The following MYO7A variants were observed in gnomAD, a reference collection of about 807,000 sequenced individuals.
The protein encoded by MYO7A is unconventional myosin-VIIa.
In MYO7A, 210 loss-of-function variants were observed where a neutral mutation model predicts 263.8. The ratio of observed to expected loss-of-function variants is 0.80; its 90% CI spans 0.71 to 0.89. The LOEUF is 0.89. MYO7A is among the 40% of genes least tolerant of loss of function. The probability of loss-of-function intolerance (pLI) is 0.00; values close to 1 mark genes in which losing one functional copy is unlikely to be tolerated. For synonymous variants in MYO7A, 1,239 were observed against 1,197.3 expected (o/e 1.03, Z -0.72); for missense variants, 2,820 against 2,968.3 (o/e 0.95, Z 1.16).
chr11:77,147,517 C>T (rs1171506011), intron 3 of MYO7A, among the ~76,000 whole-genome samples: 1 of 152,162 alleles, frequency 6.6e-6, no homozygotes, highest in Non-Finnish European at 1.5e-5. Flanking sequence ...AACTCTGATC[C>T]CCTTACTGAC....
At position 77,156,060 on chromosome 11, in the gene MYO7A, C is replaced by T. The variant is rs782808261; in HGVS notation, c.439C>T (p.Arg147Cys). The T allele has an allele frequency of 8.1e-6, 13 of 1,613,922 alleles. No individual in the cohort carries two copies. Among genetic ancestry groups the T allele is most frequent in the East Asian group, 2.2e-5 (1 of 44,884 alleles). The change falls in exon 5 of 49, where the codon CGC becomes TGC. Residue 147 changes from arginine to cysteine, a missense_variant. By Grantham distance (180) the Arg-to-Cys change is radical. Transcript: ENST00000409709. Reference protein sequence around the residue: ...IADNCYFNMKRNSRDQCCIIS... With the variant: ...IADNCYFNMKCNSRDQCCIIS... The stretch of plus-strand genomic sequence containing the variant: ...TGACAACTGCTACTTCAACATGAAA[C>T]GCAACAGCCGAGACCAGTGCTGCAT...
At chr11:77,170,773 C>T (rs1555075447) in intron 15 of MYO7A, among the ~76,000 whole-genome samples, 1 of 152,094 alleles carries the variant, frequency 6.6e-6, no homozygotes, top group African/African-American at 2.4e-5. Context: ...GGGGTTGCTG[C>T]AGGAATTTGA....
Position 77,207,452 on chromosome 11 carries a change from G to A in MYO7A, c.5856+50G>A, listed in dbSNP as rs2276290. The A allele has an allele frequency of 0.56, 740,951 of 1,327,794 alleles. 208,644 individuals are homozygous for A. Among genetic ancestry groups the A allele is most frequent in the Admixed American group, 0.65 (33,575 of 51,540 alleles). The allele number at this position is 1,327,794 out of a possible 1,614,324, so 82.3% of individuals were successfully genotyped here. ...AGGTGGGAGATTTGCTGGGGCCATA[G>A]GAACTTACGGACAGCAGACGGAAGA... On this transcript the variant is annotated intron_variant, in intron 42 of 48. Coordinates refer to ENST00000409709, the MANE Select transcript of MYO7A (RefSeq NM_000260.4).
At chr11:77,175,229 A>G (rs143609475) in intron 17 of MYO7A, 143 bp from the exon 18 acceptor site, 5 of 751,536 alleles carry the variant, frequency 6.7e-6, no homozygotes, top group Non-Finnish European at 1.1e-5. Flanking sequence ...TGGGGCTCAG[A>G]GAAGGCAGGA....
chr11:77,171,262 T>TGC (rs1319872160), intron 15 of MYO7A, among the ~76,000 whole-genome samples: 19 of 152,016 alleles, frequency 1.2e-4, no homozygotes, highest in African/African-American at 3.9e-4. Context: ...TGTGTGTGTG[T>TGC]GCATGCGTAT....
Position 77,192,160 on chromosome 11 carries a change from T to C in MYO7A, c.4034T>C (p.Phe1345Ser). 6.2e-7 allele frequency: 1 copy of C among 1,614,010 alleles called. No homozygotes were observed. Residue 1345 changes from phenylalanine (F) to serine (S), a missense_variant, in exon 31 of 49, where the codon TTC (phenylalanine) becomes TCC (serine). Physicochemically the swap from Phe to Ser is radical, Grantham distance 155. Transcript: ENST00000409709. ...GAGCGCAACGCCCCCTGGAGGCTCT[T>C]CTTCCGCAAAGAGGTCTTCACGCCC... ...AQERNAPWRL[F>S]FRKEVFTPWH...
chr11:77,173,132 G>C (rs561395914), intron 16 of MYO7A, among the ~76,000 whole-genome samples: 10 of 152,324 alleles, frequency 6.6e-5, no homozygotes, highest in African/African-American at 2.2e-4. Context: ...ACAAGTGGGC[G>C]ACTGCAGACA....
In MYO7A at chr11:77,187,079, A is replaced by G. The variant is rs75573237; in HGVS notation, c.3504-2265A>G. Among the ~76,000 whole-genome samples the G allele has an allele frequency of 6.2e-3, 948 of 152,328 alleles. 12 individuals are homozygous for G. The highest frequency in any genetic ancestry group is 0.021 in the African/African-American group (887 of 41,574). ...TTGGTAGAGCAGTCAGAACACATCTAACATTTATCAGTTAGGTTTGCCATA... is the reference window on the plus strand; with the variant it reads ...TTGGTAGAGCAGTCAGAACACATCTGACATTTATCAGTTAGGTTTGCCATA... On this transcript the variant is annotated intron_variant, in intron 27 of 48. Coordinates refer to ENST00000409709, the MANE Select transcript of MYO7A (RefSeq NM_000260.4).
chr11:77,141,114 T>TC (rs1555050386), intron 2 of MYO7A, among the ~76,000 whole-genome samples: 1 of 152,188 alleles, frequency 6.6e-6, no homozygotes, highest in African/African-American at 2.4e-5. Context: ...GGCTACCCCA[T>TC]CCAGCCTAGG....
chr11:77,143,480 AG>A (rs1200875986), intron 3 of MYO7A, among the ~76,000 whole-genome samples: 3 of 152,212 alleles, frequency 2.0e-5, no homozygotes, highest in Admixed American at 6.5e-5. Context: ...TAAGTTTTCT[AG>A]GTAATGATAG....
intron 23 of MYO7A, 81 bp downstream of exon 23, chr11:77,181,670 T>A: frequency 2.9e-6 from 4 of 1,360,878 alleles, no homozygotes; most frequent in Non-Finnish European, 4.0e-6. Context: ...CCCTTGGCCT[T>A]AAAGCCCACC....
intron 13 of MYO7A, 40 bp from the exon 14 acceptor site, chr11:77,162,813 G>A (rs1555069994): frequency 1.9e-6 from 3 of 1,597,252 alleles, no homozygotes; most frequent in South Asian, 1.1e-5. Flanking sequence ...GGGGCCCATG[G>A]AGGAGAGGGT....
At chr11:77,163,903 C>G (rs546188285) in intron 14 of MYO7A, among the ~76,000 whole-genome samples, 1 of 152,082 alleles carries the variant, frequency 6.6e-6, no homozygotes, top group South Asian at 2.1e-4. Context: ...AATATCTGTT[C>G]GAGTCCCTGC....
intron 42 of MYO7A, among the ~76,000 whole-genome samples, chr11:77,207,774 TCACATAA>T (rs1957550156): frequency 6.6e-6 from 1 of 152,186 alleles, no homozygotes. Flanking sequence ...ACTTGATAGA[TCACATAA>T]CTAGGGCTCA....
chr11:77,204,903 G>A (rs942877142), intron 39 of MYO7A, among the ~76,000 whole-genome samples: 2 of 152,124 alleles, frequency 1.3e-5, no homozygotes, highest in African/African-American at 4.8e-5. Flanking sequence ...CCCCTTCTCT[G>A]CATGCCGTAA....
In MYO7A at chr11:77,208,678, C is replaced by T. The variant is rs117963497; in HGVS notation, c.5945-19C>T. On this transcript the variant is annotated intron_variant, in intron 43 of 48. Transcript: ENST00000409709. Reference sequence around the variant, plus strand: ...TCTGTGCAGGGACCCTCTGGGTGACCGACTGCCCTGTGCTGCAGGAATTGT... The same window carrying T: ...TCTGTGCAGGGACCCTCTGGGTGACTGACTGCCCTGTGCTGCAGGAATTGT... 50 of 1,553,966 alleles carry T rather than the reference C, an allele frequency of 3.2e-5. No homozygotes were observed. Among genetic ancestry groups the T allele is most frequent in the South Asian group, 2.9e-4 (25 of 84,868 alleles).
At chr11:77,177,760 A>G in intron 19 of MYO7A, 117 bp downstream of exon 19, 1 of 750,268 alleles carries the variant, frequency 1.3e-6, no homozygotes, top group Non-Finnish European at 2.3e-6. Context: ...TTCACCTATG[A>G]AACAAGTGCA....
At position 77,212,938 on chromosome 11, in the gene MYO7A, A is replaced by C. The variant is rs757012018; in HGVS notation, c.6355-14A>C. ...CTGGGCCCCCATCTGATGCCTTCTCATCTTTTTTTCTAGCAAACTACGGAG... is the reference window on the plus strand; with the variant it reads ...CTGGGCCCCCATCTGATGCCTTCTCCTCTTTTTTTCTAGCAAACTACGGAG... On this transcript the variant is annotated splice_polypyrimidine_tract_variant and intron_variant, in intron 46 of 48. Coordinates refer to ENST00000409709, the MANE Select transcript of MYO7A (RefSeq NM_000260.4). 39 of 1,578,118 alleles carry C rather than the reference A, an allele frequency of 2.5e-5. No homozygotes were observed. Among genetic ancestry groups the C allele is most frequent in the Non-Finnish European group, 3.2e-5 (37 of 1,159,908 alleles).
chr11:77,181,577 T>C lies in MYO7A; in HGVS notation c.2892T>C (p.Pro964=). 1 of 1,613,096 alleles carries C rather than the reference T, an allele frequency of 6.2e-7. No individual in the cohort carries two copies. Among genetic ancestry groups the C allele is most frequent in the East Asian group, 2.2e-5 (1 of 44,852 alleles). The change falls in exon 23 of 49, where the codon CCT becomes CCC. Residue 964 remains proline (P), a synonymous_variant. Transcript: ENST00000409709. ...TGCCAGGCCAGGAGGGCCAGGCACC[T>C]AGTGGCTTTGAGGTACCAGGCTAGG... ...GGLPGQEGQA[P]SGFEDLERGR...
Sources: allele counts gnomAD v4.1 joint callset (sites outside exome capture counted in the v4.1 genomes callset), GRCh38; gene constraint gnomAD v4.1.1; transcripts MANE v1.5; gene names NCBI Gene and HGNC (gene_info 2026-07-23, HGNC 2026-07-21).